RBMS3: variants seen among roughly 807,000 people sequenced by gnomAD.
RBMS3 encodes RNA-binding motif, single-stranded-interacting protein 3.
In RBMS3, 27 loss-of-function variants were observed where a neutral mutation model predicts 66.8. That is an observed-to-expected ratio of 0.40 (90% CI 0.30 to 0.56). The LOEUF is 0.56. RBMS3 is among the 20% of genes least tolerant of loss of function. The pLI, the probability that RBMS3 is intolerant of heterozygous loss-of-function variation, is 0.40. For missense variants in RBMS3, 513 were observed against 549.5 expected (o/e 0.93, Z 0.66); for synonymous variants, 188 against 183.0 (o/e 1.03, Z -0.22).
At chr3:29,835,081 G>A (rs1169411152) in intron 6 of RBMS3, among the ~76,000 whole-genome samples, 1 of 151,830 alleles carries the variant, frequency 6.6e-6, no homozygotes, top group African/African-American at 2.4e-5. Flanking sequence ...TTCATCAAGA[G>A]GACATAACAA....
At chr3:29,373,899 A>C (rs887244885) in intron 1 of RBMS3, among the ~76,000 whole-genome samples, 1 of 152,220 alleles carries the variant, frequency 6.6e-6, no homozygotes, top group Non-Finnish European at 1.5e-5. Context: ...GATGCAAATC[A>C]AATGGCGTAT....
At chr3:29,780,340 G>A (rs2056586804) in intron 6 of RBMS3, among the ~76,000 whole-genome samples, 1 of 151,334 alleles carries the variant, frequency 6.6e-6, no homozygotes, top group African/African-American at 2.4e-5. Context: ...AAATTTGAGT[G>A]AATCTTATGG....
At chr3:29,927,536 G>A (rs2060972047) in intron 10 of RBMS3, among the ~76,000 whole-genome samples, 1 of 152,192 alleles carries the variant, frequency 6.6e-6, no homozygotes, top group African/African-American at 2.4e-5. Context: ...GGAGAAGAGA[G>A]GAGCAAGTGA....
At chr3:29,479,154 C>T (rs914605845) in intron 2 of RBMS3, among the ~76,000 whole-genome samples, 1 of 151,936 alleles carries the variant, frequency 6.6e-6, no homozygotes, top group Non-Finnish European at 1.5e-5. Context: ...ACTTAATATA[C>T]CTAAATTTAA....
intron 3 of RBMS3, among the ~76,000 whole-genome samples, chr3:29,533,409 G>A (rs1212226280): frequency 2.0e-5 from 3 of 152,168 alleles, no homozygotes; most frequent in Non-Finnish European, 2.9e-5. Flanking sequence ...TTGAGCCCAG[G>A]AGTTTGAGGC....
chr3:29,616,798 C>A (rs1033947094), intron 4 of RBMS3: 1 of 152,132 alleles, frequency 6.6e-6, no homozygotes, highest in Non-Finnish European at 1.5e-5. Context: ...CAATAATCGT[C>A]CAGCTTTATT....
At chr3:29,651,949 A>G (rs1377437748) in intron 4 of RBMS3, among the ~76,000 whole-genome samples, 1 of 152,168 alleles carries the variant, frequency 6.6e-6, no homozygotes, top group Non-Finnish European at 1.5e-5. Context: ...GGTAGTTTTA[A>G]AACATTTTTT....
intron 11 of RBMS3, among the ~76,000 whole-genome samples, chr3:29,937,815 C>T (rs577563748): frequency 2.6e-5 from 4 of 151,828 alleles, no homozygotes; most frequent in Non-Finnish European, 5.9e-5. Context: ...TTATTTTGTG[C>T]GTTACTAATA....
chr3:29,422,388 C>A, intron 1 of RBMS3, among the ~76,000 whole-genome samples: 1 of 95,234 alleles, frequency 1.1e-5, no homozygotes. Flanking sequence ...TGTAGAATAT[C>A]ACCAGCCCAA....
intron 4 of RBMS3, among the ~76,000 whole-genome samples, chr3:29,591,740 T>C (rs1195427986): frequency 6.6e-6 from 1 of 152,198 alleles, no homozygotes; most frequent in African/African-American, 2.4e-5. Context: ...CAGACATCTT[T>C]CTTATTTGCT....
chr3:29,587,310 G>A, intron 4 of RBMS3, 105 bp downstream of exon 4: 1 of 577,968 alleles, frequency 1.7e-6, no homozygotes. Context: ...GAGGAAGGAA[G>A]AAGGAGAGAT....
At chr3:29,646,049 G>T (rs546955951) in intron 4 of RBMS3, among the ~76,000 whole-genome samples, 3 of 152,274 alleles carry the variant, frequency 2.0e-5, no homozygotes, top group South Asian at 4.1e-4. Context: ...TATCATCTTC[G>T]ATGTTCCCTT....
chr3:29,582,167 T>TAGAC (rs1205986520), intron 3 of RBMS3, among the ~76,000 whole-genome samples: 4 of 149,890 alleles, frequency 2.7e-5, no homozygotes, highest in African/African-American at 9.7e-5. Context: ...GATAGATAGA[T>TAGAC]AGATAGATAG....
chr3:29,696,560 C>G (rs114682436), intron 4 of RBMS3, among the ~76,000 whole-genome samples: 3,475 of 152,270 alleles, frequency 0.023, 54 homozygotes, highest in Middle Eastern at 0.034. Flanking sequence ...GCCACCCTGT[C>G]TCATAGATGA....
intron 6 of RBMS3, among the ~76,000 whole-genome samples, chr3:29,783,217 C>T (rs368932057): frequency 6.6e-5 from 10 of 152,158 alleles, no homozygotes; most frequent in African/African-American, 1.7e-4. Flanking sequence ...AAATTAATCA[C>T]AAAAAGATCA....
intron 6 of RBMS3, among the ~76,000 whole-genome samples, chr3:29,847,972 A>G (rs1241658381): frequency 1.3e-5 from 2 of 152,170 alleles, no homozygotes; most frequent in African/African-American, 4.8e-5. Context: ...CTGTGAACCT[A>G]TACAAGGGGA....
chr3:29,366,673 C>A (rs945582000), intron 1 of RBMS3, among the ~76,000 whole-genome samples: 2 of 152,130 alleles, frequency 1.3e-5, no homozygotes, highest in Non-Finnish European at 2.9e-5. Context: ...CCACACCTGG[C>A]GATATCCAAC....
At chr3:29,827,517 T>C (rs2058241854) in intron 6 of RBMS3, among the ~76,000 whole-genome samples, 1 of 152,190 alleles carries the variant, frequency 6.6e-6, no homozygotes, top group Non-Finnish European at 1.5e-5. Context: ...CTTTCTCCTT[T>C]GTTTCACAAA....
At chr3:29,485,134 G>C (rs2043274196) in intron 2 of RBMS3, among the ~76,000 whole-genome samples, 1 of 152,032 alleles carries the variant, frequency 6.6e-6, no homozygotes, top group African/African-American at 2.4e-5. Flanking sequence ...GTTTAAATTA[G>C]GCTTGTATGT....
Sources: allele counts gnomAD v4.1 joint callset (sites outside exome capture counted in the v4.1 genomes callset), GRCh38; gene constraint gnomAD v4.1.1; transcripts MANE v1.5; gene names NCBI Gene and HGNC (gene_info 2026-07-23, HGNC 2026-07-21).